Variants in CIRBP observed in about 807,000 individuals in gnomAD.
The protein encoded by CIRBP is cold inducible RNA binding protein.
CIRBP carries 11 observed loss-of-function variants against 22.3 expected under a neutral mutation model. The observed-to-expected ratio is 0.49, with a 90% CI of 0.31 to 0.82. The LOEUF (loss-of-function observed/expected upper bound fraction) is 0.82, where lower values mean the gene tolerates loss of function less well. Among genes scored for constraint, CIRBP ranks in the 40% least tolerant of loss-of-function variants. The pLI is 0.05. For missense variants in CIRBP, 456 were observed against 402.7 expected, an observed-to-expected ratio of 1.13 and a Z score of -1.13; for synonymous variants, 216 against 158.8, an observed-to-expected ratio of 1.36 and a Z score of -2.71.
chr19:1,271,031 C>T lies in CIRBP; in HGVS notation c.98C>T (p.Ser33Phe), dbSNP rs1215211863. ...GTCTTCTCAAAGTACGGACAGATCT[C>T]TGAAGGTGAGGCTGCTGCTGGGCCC... ...EQVFSKYGQI[S>F]EVVVVKDRET... is the part of the protein sequence containing the mutation. Residue 33 changes from serine (S) to phenylalanine (F), a missense_variant, in exon 2 of 6, where the codon TCT becomes TTT. This residue lies in a region of CIRBP where 30 missense variants were observed against 63.1 expected (regional missense o/e 0.48). Coordinates refer to ENST00000587896, the MANE Select transcript of CIRBP (RefSeq NM_001300829.2). 1 of 1,613,882 alleles carries T rather than the reference C, an allele frequency of 6.2e-7. No individual in the cohort carries two copies. Among genetic ancestry groups the T allele is most frequent in the Non-Finnish European group, 8.5e-7 (1 of 1,179,878 alleles).
chr19:1,270,465 T>C (rs537738844), intron 1 of CIRBP, among the ~76,000 whole-genome samples: 3 of 152,116 alleles, frequency 2.0e-5, no homozygotes, highest in African/African-American at 4.8e-5. Context: ...AGTAAATTAT[T>C]TGAATTAAGA....
chr19:1,271,717 G>A, intron 5 of CIRBP, 85 bp downstream of exon 5: 1 of 910,240 alleles, frequency 1.1e-6, no homozygotes, highest in Non-Finnish European at 1.7e-6. Flanking sequence ...GGGGAGCTGA[G>A]ATGAGACTGG....
rs1292599082 is a variant in CIRBP, at chr19:1,274,459, A to C, written c.*2016A>C. The C allele has an allele frequency of 5.1e-6, 2 of 395,890 alleles. No homozygotes were observed. Among genetic ancestry groups the C allele is most frequent in the Non-Finnish European group, 8.9e-6 (2 of 223,580 alleles). The allele number at this position is 395,890 out of a possible 1,614,324, so 24.5% of individuals were successfully genotyped here. Reference sequence around the variant, plus strand: ...GTCCCCTGTAAGTGCTTTCGGGAAGAGTGGCATGTGGCGCTGAGCCCTGTC... The same window carrying C: ...GTCCCCTGTAAGTGCTTTCGGGAAGCGTGGCATGTGGCGCTGAGCCCTGTC... On this transcript the variant is annotated 3_prime_UTR_variant, in exon 6 of 6. Transcript: ENST00000587896.
intron 5 of CIRBP, 105 bp from the exon 6 acceptor site, chr19:1,271,876 G>A (rs2145530918): frequency 9.9e-7 from 1 of 1,014,536 alleles, no homozygotes; most frequent in East Asian, 2.4e-5. Context: ...TCCTTGTTGT[G>A]TCCCCAGAAG....
At position 1,272,672 on chromosome 19, in the gene CIRBP, A is replaced by G. The variant is rs1403897423; in HGVS notation, c.*229A>G. 13 of 415,708 alleles carry G rather than the reference A, an allele frequency of 3.1e-5. No homozygotes were observed. Among genetic ancestry groups the G allele is most frequent in the Non-Finnish European group, 5.1e-5 (12 of 233,572 alleles). 25.8% of individuals were successfully genotyped at this position (415,708 alleles called of 1,614,324 possible). On this transcript the variant is annotated 3_prime_UTR_variant, in exon 6 of 6. Transcript: ENST00000587896. ...CTGTTTTTTTTTGAGGGTTTTCAAA[A>G]CATTTTGAAAAGCATTTACTTTTTT...
At chr19:1,271,888 G>A (rs1034525536) in intron 5 of CIRBP, 93 bp from the exon 6 acceptor site, 4 of 1,146,226 alleles carry the variant, frequency 3.5e-6, no homozygotes, top group Middle Eastern at 2.9e-4. Flanking sequence ...CCCCAGAAGG[G>A]ACGGCTGGCA....
chr19:1,274,629 T>G lies in CIRBP; in HGVS notation c.*2186T>G, dbSNP rs1337712424. 3.8e-6 allele frequency: 1 copy of G among 263,382 alleles called. No individual in the cohort carries two copies. Among genetic ancestry groups the G allele is most frequent in the Non-Finnish European group, 7.1e-6 (1 of 140,358 alleles). 16.3% of individuals were successfully genotyped at this position (263,382 alleles called of 1,614,324 possible). A position where few individuals can be genotyped will look rare whatever the true frequency, so the allele number is the denominator to read the frequency against. ...GCCTGGAGCCCGCGCCTGTTCTCCC[T>G]CCCTTCCTCCTCCTTCCAGGAGGCG... On this transcript the variant is annotated 3_prime_UTR_variant, in exon 6 of 6. Coordinates refer to ENST00000587896, the MANE Select transcript of CIRBP (RefSeq NM_001300829.2).
intron 5 of CIRBP, 42 bp from the exon 6 acceptor site, chr19:1,271,939 A>G (rs747867699): frequency 6.5e-7 from 1 of 1,545,850 alleles, no homozygotes; most frequent in Middle Eastern, 2.2e-4. Context: ...GAGCAGAAGT[A>G]GACGGGTACC....
In CIRBP at chr19:1,274,506, C is replaced by G; in HGVS notation, c.*2063C>G. ...TGTCCCGGGCGGCACCTGGGCGTTT[C>G]AGTGAGTCCTGCTCTCCCGCACCTA... On this transcript the variant is annotated 3_prime_UTR_variant, in exon 6 of 6. Coordinates refer to ENST00000587896, the MANE Select transcript of CIRBP (RefSeq NM_001300829.2). 2.6e-6 allele frequency: 1 copy of G among 389,736 alleles called. No homozygotes were observed. Among genetic ancestry groups the G allele is most frequent in the Non-Finnish European group, 4.5e-6 (1 of 219,994 alleles). 24.1% of individuals were successfully genotyped at this position (389,736 alleles called of 1,614,324 possible). A position where few individuals can be genotyped will look rare whatever the true frequency, so the allele number is the denominator to read the frequency against.
chr19:1,270,315 G>T (rs755903032), intron 1 of CIRBP: 1 of 357,974 alleles, frequency 2.8e-6, no homozygotes, highest in African/African-American at 2.1e-5. Context: ...AGTTGGTTAG[G>T]GTAGGAGTTG....
At chr19:1,271,299 C>G in intron 3 of CIRBP, 30 bp from the exon 4 acceptor site, 2 of 1,614,044 alleles carry the variant, frequency 1.2e-6, no homozygotes, top group South Asian at 1.1e-5. Context: ...GGGCACCCAC[C>G]TGCTAACCCG....
chr19:1,271,195 C>T lies in CIRBP; in HGVS notation c.159C>T (p.Thr53=), dbSNP rs1600021457. The T allele has an allele frequency of 3.7e-6, 6 of 1,613,906 alleles. No homozygotes were observed. The highest frequency in any genetic ancestry group is 2.7e-5 in the African/African-American group (2 of 74,926). ...GATCTCGGGGATTTGGGTTTGTCAC[C>T]TTTGAGAACATTGACGACGCTAAGG... ...TQRSRGFGFV[T]FENIDDAKDA... Residue 53 remains threonine (T), a synonymous_variant, in exon 3 of 6, where the codon ACC becomes ACT. Coordinates refer to ENST00000587896, the MANE Select transcript of CIRBP (RefSeq NM_001300829.2).
rs765389956 is a variant in CIRBP at position 1,272,406 on chromosome 19, G to C, written c.857G>C (p.Cys286Ser). 7.0e-6 allele frequency: 11 copies of C among 1,574,484 alleles called. No homozygotes were observed. Among genetic ancestry groups the C allele is most frequent in the East Asian group, 2.2e-5 (1 of 44,456 alleles). The change falls in exon 6 of 6, where the codon TGT becomes TCT. Residue 286 changes from cysteine (C) to serine (S), a missense_variant. Physicochemically the swap from Cys to Ser is moderately radical, Grantham distance 112. Around this residue, in one of 2 missense-constraint regions of CIRBP, gnomAD observed 426 missense variants for 339.6 expected, o/e 1.25. Coordinates refer to ENST00000587896, the MANE Select transcript of CIRBP (RefSeq NM_001300829.2). The stretch of plus-strand genomic sequence containing the variant: ...CTTGTTGCTTCGGTGCCTTTACACT[G>C]TGCCTGCTTCTTGTCCTCAGCTACA... ...LPLVASVPLH[C>S]ACFLSSATHN...
At position 1,274,531 on chromosome 19, in the gene CIRBP, A is replaced by G. The variant is rs952325482; in HGVS notation, c.*2088A>G. 2.4e-4 allele frequency: 91 copies of G among 383,680 alleles called. No homozygotes were observed. The highest frequency in any genetic ancestry group is 1.8e-4 in the Non-Finnish European group (38 of 216,682). The allele number at this position is 383,680 out of a possible 1,614,324, so 23.8% of individuals were successfully genotyped here. On this transcript the variant is annotated 3_prime_UTR_variant, in exon 6 of 6. Coordinates refer to ENST00000587896, the MANE Select transcript of CIRBP (RefSeq NM_001300829.2). The stretch of plus-strand genomic sequence containing the variant: ...CAGTGAGTCCTGCTCTCCCGCACCT[A>G]TGGCCCCATGGCGGGCGCCTTTCGG...
Position 1,274,492 on chromosome 19 carries a change from G to A in CIRBP, c.*2049G>A, listed in dbSNP as rs1390576901. The A allele has an allele frequency of 7.7e-6, 3 of 390,594 alleles. No homozygotes were observed. Among genetic ancestry groups the A allele is most frequent in the African/African-American group, 4.1e-5 (2 of 48,424 alleles). The allele number at this position is 390,594 out of a possible 1,614,324, so 24.2% of individuals were successfully genotyped here. On this transcript the variant is annotated 3_prime_UTR_variant, in exon 6 of 6. Coordinates refer to ENST00000587896, the MANE Select transcript of CIRBP (RefSeq NM_001300829.2). ...GTGGCGCTGAGCCCTGTCCCGGGCGGCACCTGGGCGTTTCAGTGAGTCCTG... is the reference window on the plus strand; with the variant it reads ...GTGGCGCTGAGCCCTGTCCCGGGCGACACCTGGGCGTTTCAGTGAGTCCTG...
intron 1 of CIRBP, among the ~76,000 whole-genome samples, chr19:1,270,551 T>C (rs1260547417): frequency 7.2e-5 from 11 of 152,168 alleles, no homozygotes; most frequent in Non-Finnish European, 4.4e-5. Flanking sequence ...GAGGATTGCT[T>C]GAGCCCAGGA....
At chr19:1,271,685 CGTCCCGG>C in intron 5 of CIRBP, 53 bp downstream of exon 5, 1 of 1,163,182 alleles carries the variant, frequency 8.6e-7, no homozygotes, top group Non-Finnish European at 1.2e-6. Context: ...GGCCAGCTTC[CGTCCCGG>C]GTCCCAGGTC....
In CIRBP at chr19:1,270,962, T is replaced by G; in HGVS notation, c.29T>G (p.Val10Gly). MASDEGKLFVGGLSFDTNEQ... is the reference protein window; with the variant it reads MASDEGKLFGGGLSFDTNEQ... ...GCATCAGATGAAGGCAAACTTTTTG[T>G]TGGAGGGCTGAGTTTTGACACCAAT... Residue 10 changes from valine to glycine, a missense_variant, in exon 2 of 6, where the codon GTT becomes GGT. Val to Gly is a moderately radical substitution (Grantham distance 109, BLOSUM62 -3). This residue lies in a region of CIRBP where 30 missense variants were observed against 63.1 expected (regional missense o/e 0.48). Transcript: ENST00000587896. 6.2e-7 allele frequency: 1 copy of G among 1,614,030 alleles called. No individual in the cohort carries two copies. Among genetic ancestry groups the G allele is most frequent in the Non-Finnish European group, 8.5e-7 (1 of 1,180,010 alleles).
chr19:1,270,972 G>A lies in CIRBP; in HGVS notation c.39G>A (p.Leu13=). The A allele has an allele frequency of 6.2e-7, 1 of 1,614,094 alleles. No individual in the cohort carries two copies. Among genetic ancestry groups the A allele is most frequent in the African/African-American group, 1.3e-5 (1 of 75,058 alleles). ...SDEGKLFVGG[L]SFDTNEQSLE... ...AAGGCAAACTTTTTGTTGGAGGGCT[G>A]AGTTTTGACACCAATGAGCAGTCGC... Residue 13 remains leucine, a synonymous_variant, in exon 2 of 6, where the codon CTG becomes CTA. Transcript: ENST00000587896.
Sources: gnomAD v4.1 joint callset for allele counts (sites outside exome capture counted in the v4.1 genomes callset) on GRCh38, gnomAD v4.1.1 for gene constraint, gnomAD v4.1.1 regional missense constraint, MANE v1.5 for transcripts, NCBI Gene and HGNC (gene_info 2026-07-23, HGNC 2026-07-21) for gene names.